AMDHD1: variants seen among roughly 807,000 people sequenced by gnomAD.
The protein encoded by AMDHD1 is probable imidazolonepropionase.
In AMDHD1, 45 loss-of-function variants were observed where a neutral mutation model predicts 44.1. That is an observed-to-expected ratio of 1.02 (90% CI 0.80 to 1.31). The LOEUF is 1.31. AMDHD1 is among the 50% of genes most tolerant of loss of function. The pLI, the probability that AMDHD1 is intolerant of heterozygous loss-of-function variation, is 0.00. For missense variants in AMDHD1, 586 were observed against 552.1 expected (o/e 1.06, Z -0.61); for synonymous variants, 206 against 205.0 (o/e 1.00, Z -0.04).
intron 8 of AMDHD1, among the ~76,000 whole-genome samples, chr12:95,967,512 A>G (rs1393035405): frequency 6.6e-6 from 1 of 152,240 alleles, no homozygotes; most frequent in Non-Finnish European, 1.5e-5. Flanking sequence ...TGATGGTGAC[A>G]TTTATGTATC....
intron 6 of AMDHD1, 37 bp downstream of exon 6, chr12:95,962,516 G>A: frequency 1.3e-5 from 20 of 1,571,814 alleles, no homozygotes; most frequent in Non-Finnish European, 1.6e-5. Context: ...AGAGCTGCAA[G>A]TACAAGCTGT....
chr12:95,964,886 T>C (rs927722454), intron 6 of AMDHD1, among the ~76,000 whole-genome samples: 2 of 116,906 alleles, frequency 1.7e-5, no homozygotes, highest in Non-Finnish European at 3.2e-5. Flanking sequence ...ACTAAATTCT[T>C]GGGCCTTCAA....
intron 6 of AMDHD1, 27 bp from the exon 7 acceptor site, chr12:95,965,659 A>G: frequency 6.5e-7 from 1 of 1,529,584 alleles, no homozygotes; most frequent in South Asian, 1.1e-5. Context: ...CATTCTAGAG[A>G]CTGACATATT....
chr12:95,953,187 T>C (rs1177964475), intron 2 of AMDHD1, among the ~76,000 whole-genome samples: 1 of 152,184 alleles, frequency 6.6e-6, no homozygotes, highest in South Asian at 2.1e-4. Flanking sequence ...ACCAGCTGTG[T>C]TGTGTTTAGG....
intron 5 of AMDHD1, 121 bp from the exon 6 acceptor site, chr12:95,962,234 C>T (rs540936325): frequency 5.0e-6 from 7 of 1,407,484 alleles, no homozygotes; most frequent in Non-Finnish European, 5.7e-6. Flanking sequence ...CTACTGCACC[C>T]AGCCTGGCTA....
intron 1 of AMDHD1, among the ~76,000 whole-genome samples, chr12:95,950,760 A>G (rs1042490299): frequency 1.3e-5 from 2 of 152,110 alleles, no homozygotes; most frequent in African/African-American, 2.4e-5. Context: ...AGAGAAGACA[A>G]TCTTACCGGC....
At chr12:95,962,641 G>A (rs910398453) in intron 6 of AMDHD1, among the ~76,000 whole-genome samples, 162 bp downstream of exon 6, 6 of 152,318 alleles carry the variant, frequency 3.9e-5, no homozygotes, top group East Asian at 1.9e-4. Flanking sequence ...ACTGATGTTC[G>A]TAAACGAATT....
At chr12:95,958,065 TA>T (rs2080561755) in intron 4 of AMDHD1, among the ~76,000 whole-genome samples, 6 of 146,542 alleles carry the variant, frequency 4.1e-5, no homozygotes, top group South Asian at 4.3e-4. Flanking sequence ...AAAATATATA[TA>T]TATTTTTTTA....
In AMDHD1 at chr12:95,949,154, AAAAAAG is replaced by A. The variant is rs1230944241; in HGVS notation, c.138-3557_138-3552del. 9.6e-5 allele frequency among the ~76,000 whole-genome samples: 14 copies of A among 146,462 alleles called. 1 individual carries two copies. The highest frequency in any genetic ancestry group is 2.0e-4 in the Non-Finnish European group (13 of 66,208). On this transcript the variant is annotated intron_variant, in intron 1 of 8. Transcript: ENST00000266736. ...AAAAAATAAATTAAAAAAAAAAAAA[AAAAAAG>A]AAAAAAAAAAAAAAAAAAGAGACTG...
chr12:95,967,874 T>A lies in AMDHD1; in HGVS notation c.*31T>A, dbSNP rs1565980310. 7.3e-7 allele frequency: 1 copy of A among 1,373,774 alleles called. No homozygotes were observed. The highest frequency in any genetic ancestry group is 1.0e-6 in the Non-Finnish European group (1 of 993,300). 85.1% of individuals were successfully genotyped at this position (1,373,774 alleles called of 1,614,324 possible). ...TTGAAAAGAGAAGACTTTTTGACTA[T>A]ATGAAATAAGTCAATATAGTTATAT... On this transcript the variant is annotated 3_prime_UTR_variant, in exon 9 of 9. Transcript: ENST00000266736.
At position 95,943,533 on chromosome 12, in the gene AMDHD1, C is replaced by A; in HGVS notation, c.135C>A (p.Gly45=). The change falls in exon 1 of 9, where the codon GGC becomes GGA. Residue 45 remains glycine, a splice_region_variant and synonymous_variant. Coordinates refer to ENST00000266736, the MANE Select transcript of AMDHD1 (RefSeq NM_152435.3). ...TGGAAGGCGCCAGCCTGGTGGTGGGCAAGTAAGTGGCCGGGCGCGCAGGGT... is the reference window on the plus strand; with the variant it reads ...TGGAAGGCGCCAGCCTGGTGGTGGGAAAGTAAGTGGCCGGGCGCGCAGGGT... The part of the protein sequence containing the change: ...AVLEGASLVV[G]KDGFIKAIGP... 1.4e-6 allele frequency: 2 copies of A among 1,458,616 alleles called. No individual in the cohort carries two copies. Among genetic ancestry groups the A allele is most frequent in the African/African-American group, 3.0e-5 (2 of 67,618 alleles). The allele number at this position is 1,458,616 out of a possible 1,614,324, so 90.4% of individuals were successfully genotyped here. A position where few individuals can be genotyped will look rare whatever the true frequency, so the allele number is the denominator to read the frequency against.
At chr12:95,964,713 C>T (rs1314369395) in intron 6 of AMDHD1, among the ~76,000 whole-genome samples, 1 of 152,068 alleles carries the variant, frequency 6.6e-6, no homozygotes, top group Non-Finnish European at 1.5e-5. Flanking sequence ...TCTATTGCAG[C>T]TGTTATTCCC....
At chr12:95,944,514 T>G (rs2080484617) in intron 1 of AMDHD1, among the ~76,000 whole-genome samples, 1 of 152,026 alleles carries the variant, frequency 6.6e-6, no homozygotes, top group South Asian at 2.1e-4. Context: ...CCTCCCAGGC[T>G]CAAGCCATCC....
At position 95,956,839 on chromosome 12, in the gene AMDHD1, G is replaced by C; in HGVS notation, c.464G>C (p.Cys155Ser). The C allele has an allele frequency of 6.2e-7, 1 of 1,614,120 alleles. No homozygotes were observed. ...MMRAGTTLVE[C>S]KSGYGLDLET... ...AGGGCTGGCACCACGCTGGTGGAGT[G>C]CAAGAGTGGATATGGCCTCGACCTG... is the stretch of plus-strand genomic sequence containing the variant. The change falls in exon 4 of 9, where the codon TGC becomes TCC. Residue 155 changes from cysteine to serine, a missense_variant. Transcript: ENST00000266736.
chr12:95,965,387 A>T (rs2080605115), intron 6 of AMDHD1, among the ~76,000 whole-genome samples: 2 of 151,828 alleles, frequency 1.3e-5, no homozygotes, highest in African/African-American at 4.8e-5. Context: ...TTCCAAAACC[A>T]TTTGTAAGTT....
At chr12:95,964,325 C>A (rs545893558) in intron 6 of AMDHD1, among the ~76,000 whole-genome samples, 1 of 152,260 alleles carries the variant, frequency 6.6e-6, no homozygotes, top group Admixed American at 6.5e-5. Flanking sequence ...TCCCCTGAAC[C>A]CTCTCTTGAC....
At chr12:95,965,153 C>A (rs2080603112) in intron 6 of AMDHD1, among the ~76,000 whole-genome samples, 2 of 151,532 alleles carry the variant, frequency 1.3e-5, no homozygotes, top group African/African-American at 4.8e-5. Context: ...ATAAAAATTA[C>A]CTGGGCGTGG....
chr12:95,949,239 T>G (rs1282340536), intron 1 of AMDHD1, among the ~76,000 whole-genome samples: 1 of 151,312 alleles, frequency 6.6e-6, no homozygotes, highest in Non-Finnish European at 1.5e-5. Context: ...CAGATTTATC[T>G]ACTATAAAAC....
chr12:95,965,838 T>G, intron 7 of AMDHD1, 59 bp downstream of exon 7: 1 of 1,145,744 alleles, frequency 8.7e-7, no homozygotes, highest in Non-Finnish European at 1.2e-6. Context: ...TATAAATAAT[T>G]TAAAAATATT....
Sources: gnomAD v4.1 joint callset for allele counts (sites outside exome capture counted in the v4.1 genomes callset) on GRCh38, gnomAD v4.1.1 for gene constraint, MANE v1.5 for transcripts, NCBI Gene and HGNC (gene_info 2026-07-23, HGNC 2026-07-21) for gene names.